Variants in NDRG3 observed in about 807,000 individuals in gnomAD.
NDRG3 encodes the protein protein NDRG3.
In NDRG3, 23 loss-of-function variants were observed where a neutral mutation model predicts 57.2. The ratio of observed to expected loss-of-function variants is 0.40; its 90% confidence interval spans 0.29 to 0.57. NDRG3 has a LOEUF of 0.57. Ranked by LOEUF, NDRG3 falls within the 20% of genes least tolerant of loss-of-function variation. The pLI is 0.42. For synonymous variants in NDRG3, 132 were observed against 162.6 expected (o/e 0.81, Z 1.43); for missense variants, 384 against 457.3 (o/e 0.84, Z 1.46).
intron 3 of NDRG3, among the ~76,000 whole-genome samples, chr20:36,705,095 G>A (rs1983464795): frequency 6.6e-6 from 1 of 151,794 alleles, no homozygotes; most frequent in Admixed American, 6.6e-5. Flanking sequence ...TGAGGTGGGT[G>A]AATCATTTGA....
intron 3 of NDRG3, chr20:36,700,349 C>T (rs938028533): frequency 4.9e-6 from 2 of 410,692 alleles, no homozygotes; most frequent in African/African-American, 4.1e-5. Context: ...CCCTAGTTGT[C>T]AATGTCTCAA....
At position 36,693,179 on chromosome 20, in the gene NDRG3, T is replaced by C. The variant is rs1384225288; in HGVS notation, c.94-4395A>G. Among the ~76,000 whole-genome samples the C allele has an allele frequency of 2.3e-4, 28 of 120,974 alleles. 1 individual carries two copies. The highest frequency in any genetic ancestry group is 1.3e-3 in the Admixed American group (14 of 10,456). The allele number at this position is 120,974 out of a possible 152,430, so 79.4% of individuals were successfully genotyped here. On this transcript the variant is annotated intron_variant, in intron 3 of 15. Transcript: ENST00000349004. ...ATATACACATATATATATACACACA[T>C]ATATATATACACACACACATATATA...
At chr20:36,739,897 G>A (rs190944948) in intron 1 of NDRG3, among the ~76,000 whole-genome samples, 285 of 123,212 alleles carry the variant, frequency 2.3e-3, no homozygotes, top group Admixed American at 3.8e-3. Flanking sequence ...GTGACAGAGC[G>A]AGACTCCGTC....
intron 12 of NDRG3, among the ~76,000 whole-genome samples, chr20:36,664,363 A>G (rs532026253): frequency 1.3e-5 from 2 of 152,282 alleles, no homozygotes; most frequent in East Asian, 3.9e-4. Flanking sequence ...TACAATGAGC[A>G]TATATCATTT....
intron 3 of NDRG3, chr20:36,700,474 G>A: frequency 1.9e-6 from 1 of 531,820 alleles, no homozygotes; most frequent in South Asian, 1.4e-5. Context: ...GTGACCTTGT[G>A]AATGAACAGC....
chr20:36,719,352 G>A lies in NDRG3; in HGVS notation c.57+2327C>T, dbSNP rs376862860. Among the ~76,000 whole-genome samples, 14 of 151,210 alleles carry A rather than the reference G, an allele frequency of 9.3e-5. No individual in the cohort carries two copies. The East Asian group carries it at 9.8e-4, about 11-fold the overall frequency. On this transcript the variant is annotated intron_variant, in intron 2 of 15. Transcript: ENST00000349004. ...TGAAGCAGGAGAATCGCTTGAACCC[G>A]GGAGGCAGAGGTTGCAGTGAGCCAA...
At position 36,724,800 on chromosome 20, in the gene NDRG3, C is replaced by T. The variant is rs544838285; in HGVS notation, c.-48-3017G>A. Among the ~76,000 whole-genome samples, 14 of 151,832 alleles carry T rather than the reference C, an allele frequency of 9.2e-5. No homozygotes were observed. In the South Asian group the frequency reaches 1.2e-3, roughly 14 times the overall value. On this transcript the variant is annotated intron_variant, in intron 1 of 15. Transcript: ENST00000349004. ...AAGATTAGCTGGGTGTGGTGGCACA[C>T]GCCTGTAATTCCAGCTACTCCAGCA... is the stretch of plus-strand genomic sequence containing the variant.
intron 5 of NDRG3, among the ~76,000 whole-genome samples, chr20:36,686,525 G>C (rs1456329348): frequency 6.6e-6 from 1 of 152,196 alleles, no homozygotes; most frequent in Non-Finnish European, 1.5e-5. Context: ...GGCAGCTCTG[G>C]AGATGAGTGA....
intron 2 of NDRG3, among the ~76,000 whole-genome samples, chr20:36,712,031 G>C (rs1259468858): frequency 6.6e-6 from 1 of 152,046 alleles, no homozygotes; most frequent in African/African-American, 2.4e-5. Context: ...TGCCCACCTC[G>C]GTCTCCAAAG....
chr20:36,665,419 C>G, intron 10 of NDRG3, 118 bp from the exon 11 acceptor site: 9 of 916,168 alleles, frequency 9.8e-6, no homozygotes, highest in Non-Finnish European at 1.6e-5. Flanking sequence ...TTCCTTCACA[C>G]CTGAGAAGGG....
intron 5 of NDRG3, among the ~76,000 whole-genome samples, chr20:36,685,642 T>C (rs767928774): frequency 2.6e-5 from 4 of 152,134 alleles, no homozygotes; most frequent in Non-Finnish European, 5.9e-5. Context: ...ATTTGGTTCA[T>C]AATATGAACC....
At chr20:36,665,771 G>C (rs915347308) in intron 10 of NDRG3, among the ~76,000 whole-genome samples, 2 of 152,016 alleles carry the variant, frequency 1.3e-5, no homozygotes, top group Non-Finnish European at 2.9e-5. Context: ...GCTAATTTTT[G>C]TATTTTTGTA....
chr20:36,729,917 T>C (rs1985173173), intron 1 of NDRG3, among the ~76,000 whole-genome samples: 1 of 152,124 alleles, frequency 6.6e-6, no homozygotes, highest in Admixed American at 6.5e-5. Flanking sequence ...TTCCAAAATT[T>C]CAGTAAACTA....
chr20:36,697,576 C>T lies in NDRG3; in HGVS notation c.94-8792G>A, dbSNP rs535093889. Among the ~76,000 whole-genome samples, 17 of 152,160 alleles carry T rather than the reference C, an allele frequency of 1.1e-4. No individual in the cohort carries two copies. In the South Asian group the frequency reaches 3.5e-3, roughly 32 times the overall value. On this transcript the variant is annotated intron_variant, in intron 3 of 15. Transcript: ENST00000349004. Reference sequence around the variant, plus strand: ...TACAAAAATTAGCCAGGCGTGGTGGCGGGTGCCTATAATCCCAGCTACTTG... The same window carrying T: ...TACAAAAATTAGCCAGGCGTGGTGGTGGGTGCCTATAATCCCAGCTACTTG...
At chr20:36,664,397 G>GA (rs1365517748) in intron 12 of NDRG3, among the ~76,000 whole-genome samples, 2 of 152,062 alleles carry the variant, frequency 1.3e-5, no homozygotes, top group African/African-American at 4.8e-5. Context: ...ATGTCCTTCA[G>GA]AAGGAGGCAG....
intron 2 of NDRG3, among the ~76,000 whole-genome samples, chr20:36,715,964 C>T (rs1460443947): frequency 6.7e-6 from 1 of 148,792 alleles, no homozygotes; most frequent in Middle Eastern, 3.5e-3. Context: ...AAATACAAAA[C>T]GTAGCCAGGC....
rs1568657080 is a variant in NDRG3 at position 36,706,963 on chromosome 20, A to G, written c.93+9T>C. ...TACAGAGCCTCCTTCTTGCTTGTAC[A>G]GTCCTTACCTGACAGTCAAAGTCCT... On this transcript the variant is annotated intron_variant, in intron 3 of 15. Coordinates refer to ENST00000349004, the MANE Select transcript of NDRG3 (RefSeq NM_032013.4). The G allele has an allele frequency of 6.2e-7, 1 of 1,612,900 alleles. No individual in the cohort carries two copies.
chr20:36,702,831 G>C lies in NDRG3; in HGVS notation c.93+4141C>G, dbSNP rs1432449024. ...AGCCTCTCAAGTAGCCGGGATTACAGGCATGCACATGCCTGGCTAGTTTTG... is the reference window on the plus strand; with the variant it reads ...AGCCTCTCAAGTAGCCGGGATTACACGCATGCACATGCCTGGCTAGTTTTG... On this transcript the variant is annotated intron_variant, in intron 3 of 15. Coordinates refer to ENST00000349004, the MANE Select transcript of NDRG3 (RefSeq NM_032013.4). Among the ~76,000 whole-genome samples the C allele has an allele frequency of 7.9e-5, 12 of 152,040 alleles. No homozygotes were observed. In the East Asian group the frequency reaches 2.3e-3, roughly 29 times the overall value.
intron 2 of NDRG3, among the ~76,000 whole-genome samples, chr20:36,715,034 A>G (rs1455605954): frequency 3.4e-5 from 4 of 116,582 alleles, no homozygotes; most frequent in African/African-American, 7.7e-5. Flanking sequence ...ATATATATAT[A>G]TATATATATA....
Sources: gnomAD v4.1 joint callset for allele counts (sites outside exome capture counted in the v4.1 genomes callset) on GRCh38, gnomAD v4.1.1 for gene constraint, MANE v1.5 for transcripts, NCBI Gene and HGNC (gene_info 2026-07-23, HGNC 2026-07-21) for gene names.